The following GPHN variants were observed in gnomAD, a reference collection of about 807,000 sequenced individuals.
The protein encoded by GPHN is gephyrin.
Under a neutral mutation model 95.5 loss-of-function variants are expected in GPHN, and 17 were observed. The ratio of observed to expected loss-of-function variants is 0.18; its 90% CI spans 0.12 to 0.27. GPHN has a LOEUF of 0.27. GPHN is among the 10% of genes least tolerant of loss of function. GPHN has a pLI of 1.00. For synonymous variants in GPHN, 320 were observed against 322.5 expected (o/e 0.99, Z 0.08); for missense variants, 660 against 978.1 (o/e 0.67, Z 4.34).
At chr14:66,720,527 A>C (rs958038891) in intron 2 of GPHN, among the ~76,000 whole-genome samples, 1 of 152,182 alleles carries the variant, frequency 6.6e-6, no homozygotes, top group African/African-American at 2.4e-5. Context: ...CAAGAGTCTA[A>C]GCCAAATATC....
chr14:67,656,905 T>C, the GPHN span, among the ~76,000 whole-genome samples: 1 of 152,188 alleles, frequency 6.6e-6, no homozygotes, highest in Admixed American at 6.5e-5. Context: ...ATGTGCCTCC[T>C]GGACTATCAA....
intron 4 of GPHN, among the ~76,000 whole-genome samples, chr14:66,852,451 GAAGA>G (rs1322800236): frequency 6.6e-6 from 1 of 152,248 alleles, no homozygotes; most frequent in Admixed American, 6.5e-5. Context: ...GGAGTTGAGA[GAAGA>G]AAGGAAAGGG....
At chr14:67,072,151 A>T (rs1454434863) in intron 11 of GPHN, among the ~76,000 whole-genome samples, 3 of 152,130 alleles carry the variant, frequency 2.0e-5, no homozygotes, top group Non-Finnish European at 4.4e-5. Context: ...TTACATGAGG[A>T]TTCAGAATGT....
intron 20 of GPHN, among the ~76,000 whole-genome samples, chr14:67,168,034 A>G (rs1244199182): frequency 6.6e-6 from 1 of 152,222 alleles, no homozygotes; most frequent in Non-Finnish European, 1.5e-5. Context: ...TGGTATTTGT[A>G]TTAGTCTGCT....
chr14:66,981,228 A>G (rs1293787179), intron 9 of GPHN, among the ~76,000 whole-genome samples: 3 of 152,108 alleles, frequency 2.0e-5, no homozygotes, highest in Non-Finnish European at 2.9e-5. Context: ...CCAGAAACAC[A>G]TTAGCAATTA....
At chr14:67,165,563 G>C (rs565123347) in intron 20 of GPHN, among the ~76,000 whole-genome samples, 4 of 152,304 alleles carry the variant, frequency 2.6e-5, no homozygotes, top group South Asian at 2.1e-4. Context: ...ACAGGAAATT[G>C]GTCGAAGTTA....
intron 3 of GPHN, among the ~76,000 whole-genome samples, chr14:66,816,592 T>A (rs1398217467): frequency 6.6e-6 from 1 of 152,208 alleles, no homozygotes; most frequent in Non-Finnish European, 1.5e-5. Context: ...ATCAATAAGT[T>A]CTTTGAAACT....
chr14:67,615,548 C>A, the GPHN span: 1 of 483,030 alleles, frequency 2.1e-6, no homozygotes, highest in Non-Finnish European at 4.0e-6. Flanking sequence ...TGTGTGCAAA[C>A]TTGTCCGGAG....
the GPHN span, among the ~76,000 whole-genome samples, chr14:67,542,215 T>C: frequency 6.6e-6 from 1 of 152,262 alleles, no homozygotes; most frequent in Non-Finnish European, 1.5e-5. Context: ...ACCAAAGACA[T>C]GCTGCCAATC....
chr14:66,603,302 C>A (rs2140862813), intron 1 of GPHN, among the ~76,000 whole-genome samples: 1 of 151,940 alleles, frequency 6.6e-6, no homozygotes, highest in African/African-American at 2.4e-5. Context: ...TTGATGTATA[C>A]ATTTTCAGGG....
chr14:67,378,468 TTAAA>T, the GPHN span, among the ~76,000 whole-genome samples: 1 of 152,134 alleles, frequency 6.6e-6, no homozygotes, highest in African/African-American at 2.4e-5. Context: ...GAAGCTGAGA[TTAAA>T]TAATTTGTTC....
chr14:67,568,624 AAG>A, the GPHN span, among the ~76,000 whole-genome samples: 1 of 152,202 alleles, frequency 6.6e-6, no homozygotes, highest in Non-Finnish European at 1.5e-5. Flanking sequence ...TTTTTAAAAA[AAG>A]AAACAATAGA....
intron 9 of GPHN, among the ~76,000 whole-genome samples, chr14:67,008,388 G>A (rs2072750250): frequency 6.6e-6 from 1 of 151,484 alleles, no homozygotes; most frequent in African/African-American, 2.4e-5. Context: ...CCCGGGAGGT[G>A]GAGGTTGCAG....
At chr14:66,628,181 A>G (rs2063594243) in intron 1 of GPHN, among the ~76,000 whole-genome samples, 1 of 152,182 alleles carries the variant, frequency 6.6e-6, no homozygotes, top group Non-Finnish European at 1.5e-5. Flanking sequence ...AGTTATGAAA[A>G]ACACCAGTAC....
the GPHN span, among the ~76,000 whole-genome samples, chr14:67,489,039 A>C: frequency 1.3e-5 from 2 of 152,136 alleles, no homozygotes; most frequent in East Asian, 3.9e-4. Flanking sequence ...AGGGGACATG[A>C]GGCTCCTTTG....
At chr14:67,513,529 C>T in the GPHN span, among the ~76,000 whole-genome samples, 2 of 152,226 alleles carry the variant, frequency 1.3e-5, no homozygotes, top group African/African-American at 4.8e-5. Context: ...CAACGCCTGC[C>T]ATGCTGTGTC....
At chr14:67,012,171 A>G (rs1025663136) in intron 9 of GPHN, among the ~76,000 whole-genome samples, 3 of 152,220 alleles carry the variant, frequency 2.0e-5, no homozygotes, top group African/African-American at 7.2e-5. Context: ...TGGTTATTCC[A>G]TGTGATGCAT....
chr14:67,731,997 G>C, the GPHN span, among the ~76,000 whole-genome samples: 2 of 151,446 alleles, frequency 1.3e-5, no homozygotes, highest in Non-Finnish European at 1.5e-5. Context: ...CATGTTGGTG[G>C]GTGCCTGTAA....
chr14:67,015,418 C>T (rs1339888890), intron 9 of GPHN, among the ~76,000 whole-genome samples: 1 of 152,024 alleles, frequency 6.6e-6, no homozygotes, highest in African/African-American at 2.4e-5. Context: ...AAAACAGCAG[C>T]CCAGGCGCTG....
Sources: gnomAD v4.1 joint callset for allele counts (sites outside exome capture counted in the v4.1 genomes callset) on GRCh38, gnomAD v4.1.1 for gene constraint, MANE v1.5 for transcripts, NCBI Gene and HGNC (gene_info 2026-07-23, HGNC 2026-07-21) for gene names.